The following DIS3L2 variants were observed in gnomAD, a reference collection of about 807,000 sequenced individuals.
DIS3L2 encodes DIS3 like 3'-5' exoribonuclease 2, also known as DIS3-like exonuclease 2.
In DIS3L2, 34 loss-of-function variants were observed where a neutral mutation model predicts 97.5. That is an observed-to-expected ratio of 0.35 (90% CI 0.27 to 0.46). The LOEUF is 0.46. Among genes scored for constraint, DIS3L2 ranks in the 20% least tolerant of loss-of-function variants. The pLI, the probability that DIS3L2 is intolerant of heterozygous loss-of-function variation, is 1.00. For synonymous variants in DIS3L2, 435 were observed against 445.2 expected (o/e 0.98, Z 0.29); for missense variants, 1,038 against 1,146.0 (o/e 0.91, Z 1.36).
chr2:232,003,574 T>C (rs1215912420), intron 1 of DIS3L2, among the ~76,000 whole-genome samples: 1 of 152,228 alleles, frequency 6.6e-6, no homozygotes, highest in Non-Finnish European at 1.5e-5. Context: ...CCAGTTTTGC[T>C]CTGGTATCAT....
At chr2:232,337,376 T>C (rs1695993872), downstream of DIS3L2, among the ~76,000 whole-genome samples, 1 of 152,072 alleles carries the variant, frequency 6.6e-6, no homozygotes, top group Admixed American at 6.5e-5. Context: ...TGCCCAGCTC[T>C]GGTGTGAGTG....
At chr2:232,063,697 A>G (rs1403230327) in intron 5 of DIS3L2, among the ~76,000 whole-genome samples, 1 of 152,098 alleles carries the variant, frequency 6.6e-6, no homozygotes, top group Admixed American at 6.5e-5. Context: ...CCTAAAGCTT[A>G]TACCATTTGA....
chr2:232,181,906 C>G (rs1691289087), intron 9 of DIS3L2, among the ~76,000 whole-genome samples: 1 of 152,126 alleles, frequency 6.6e-6, no homozygotes, highest in South Asian at 2.1e-4. Context: ...CCCACCTCAG[C>G]CTCCCAAAGT....
chr2:232,048,021 C>T (rs919986664), intron 5 of DIS3L2, among the ~76,000 whole-genome samples: 10 of 152,160 alleles, frequency 6.6e-5, no homozygotes, highest in Non-Finnish European at 1.2e-4. Context: ...CTGTTGTGAA[C>T]ATTCATGCAC....
chr2:232,210,474 G>T, intron 10 of DIS3L2, 69 bp downstream of exon 10: 1 of 1,390,356 alleles, frequency 7.2e-7, no homozygotes, highest in Non-Finnish European at 1.0e-6. Context: ...TAGCCTGGCT[G>T]CCCTGTGCTG....
At chr2:232,146,271 A>AT (rs1377657897) in intron 8 of DIS3L2, among the ~76,000 whole-genome samples, 4 of 152,272 alleles carry the variant, frequency 2.6e-5, no homozygotes, top group Admixed American at 2.6e-4. Flanking sequence ...CTAAGATTTT[A>AT]TTTTTGGTAG....
intron 14 of DIS3L2, among the ~76,000 whole-genome samples, chr2:232,304,144 G>A (rs868165540): frequency 1.3e-5 from 2 of 151,562 alleles, no homozygotes; most frequent in Non-Finnish European, 2.9e-5. Flanking sequence ...GCCACCGTGG[G>A]TCTACGGGTG....
Position 232,122,588 on chromosome 2 carries a change from G to A in DIS3L2, c.602-8031G>A, listed in dbSNP as rs185272385. Among the ~76,000 whole-genome samples the A allele has an allele frequency of 7.2e-5, 11 of 152,156 alleles. No homozygotes were observed. The East Asian group carries it at 2.1e-3, about 29-fold the overall frequency. On this transcript the variant is annotated intron_variant, in intron 6 of 20. Transcript: ENST00000325385. The stretch of plus-strand genomic sequence containing the variant: ...CAAAAATTAGCCGGGCGTGGTGGCA[G>A]GTGCCTGTAATCCCAGCTACTCGGG...
At chr2:232,279,796 T>C (rs1177326286) in intron 13 of DIS3L2, among the ~76,000 whole-genome samples, 1 of 152,210 alleles carries the variant, frequency 6.6e-6, no homozygotes, top group African/African-American at 2.4e-5. Flanking sequence ...CCCAAAGTGC[T>C]GGGATTACAG....
At chr2:232,289,622 T>C (rs1694543957) in intron 13 of DIS3L2, among the ~76,000 whole-genome samples, 1 of 152,054 alleles carries the variant, frequency 6.6e-6, no homozygotes, top group Non-Finnish European at 1.5e-5. Context: ...CTGGTGAAAA[T>C]AGAGGAACAT....
At chr2:232,210,276 A>G (rs1692150265) in intron 9 of DIS3L2, 50 bp from the exon 10 acceptor site, 2 of 1,429,240 alleles carry the variant, frequency 1.4e-6, no homozygotes, top group Admixed American at 1.7e-5. Context: ...TGGTGGGGTA[A>G]AGTTGCTATT....
intron 12 of DIS3L2, 104 bp from the exon 13 acceptor site, chr2:232,263,103 C>A: frequency 8.4e-7 from 1 of 1,188,794 alleles, no homozygotes; most frequent in Non-Finnish European, 1.2e-6. Flanking sequence ...ACAGTCAGTG[C>A]TCAATAAATC....
intron 1 of DIS3L2, among the ~76,000 whole-genome samples, chr2:231,981,305 G>T (rs1693249078): frequency 6.6e-6 from 1 of 151,858 alleles, no homozygotes; most frequent in South Asian, 2.1e-4. Context: ...CTACTAGCTT[G>T]TGATTTTGGT....
At chr2:232,284,340 A>G (rs1694371678) in intron 13 of DIS3L2, among the ~76,000 whole-genome samples, 1 of 152,186 alleles carries the variant, frequency 6.6e-6, no homozygotes, top group African/African-American at 2.4e-5. Flanking sequence ...AAGCTTCTCA[A>G]CTTCTGTGAG....
intron 10 of DIS3L2, among the ~76,000 whole-genome samples, chr2:232,234,146 G>A (rs2106247518): frequency 1.3e-5 from 2 of 152,328 alleles, no homozygotes; most frequent in South Asian, 4.1e-4. Flanking sequence ...CAAAGGATCT[G>A]AACCCAACCT....
chr2:231,989,991 G>C (rs1693538474), intron 1 of DIS3L2, among the ~76,000 whole-genome samples: 1 of 152,194 alleles, frequency 6.6e-6, no homozygotes, highest in Admixed American at 6.5e-5. Context: ...GTTACTTCAG[G>C]AGAGAGAATA....
At chr2:232,334,823 C>T (rs1157843900) in intron 19 of DIS3L2, 88 bp downstream of exon 19, 3 of 1,152,810 alleles carry the variant, frequency 2.6e-6, no homozygotes, top group Admixed American at 2.2e-5. Context: ...GGTCACACTC[C>T]ACCCCTCGCT....
chr2:232,316,844 A>G (rs1351747331), intron 14 of DIS3L2, among the ~76,000 whole-genome samples: 1 of 152,232 alleles, frequency 6.6e-6, no homozygotes. Context: ...TTTGGTGTAG[A>G]TAAAAGATCA....
Position 231,968,361 on chromosome 2 carries a change from C to T in DIS3L2, c.-94+6596C>T, listed in dbSNP as rs568048367. 1.1e-4 allele frequency among the ~76,000 whole-genome samples: 16 copies of T among 152,344 alleles called. 1 individual carries two copies. The South Asian group carries it at 3.1e-3, about 30-fold the overall frequency. On this transcript the variant is annotated intron_variant, in intron 1 of 20. Transcript: ENST00000325385. ...TCCGCCCGCCTCGGTCTCCCAAGTG[C>T]TGGGATTACAGGCGTGAGCCACTGC...
Sources: allele counts gnomAD v4.1 joint callset (sites outside exome capture counted in the v4.1 genomes callset), GRCh38; gene constraint gnomAD v4.1.1; transcripts MANE v1.5; gene names NCBI Gene and HGNC (gene_info 2026-07-23, HGNC 2026-07-21).